The following WRAP73 variants were observed in gnomAD, a reference collection of about 807,000 sequenced individuals.
WRAP73 encodes WD repeat containing, antisense to TP73, also known as WD repeat-containing protein WRAP73.
In WRAP73, 55 loss-of-function variants were observed where a neutral mutation model predicts 59.6. The observed-to-expected ratio is 0.92, with a 90% CI of 0.74 to 1.15. The LOEUF (loss-of-function observed/expected upper bound fraction) is 1.15. Ranked by LOEUF, WRAP73 falls within the 50% of genes most tolerant of loss-of-function variation. The pLI is 0.00. For missense variants in WRAP73, 592 were observed against 608.1 expected, an observed-to-expected ratio of 0.97 and a Z score of 0.28; for synonymous variants, 265 against 258.2, an observed-to-expected ratio of 1.03 and a Z score of -0.25.
Position 3,646,665 on chromosome 1 carries a change from C to G in WRAP73, c.339+1G>C. On this transcript the variant is annotated splice_donor_variant, in intron 3 of 11. Transcript: ENST00000270708. LOFTEE classifies it high-confidence loss of function. The surrounding 1 kb of genome is among the most constrained non-coding windows in gnomAD (Gnocchi z 5.1). The stretch of plus-strand genomic sequence containing the variant: ...TAAGGTGTCTTGGGGCTGACACTTA[C>G]ATGGAATTCCGTGGTGTTGAGAATG... The G allele has an allele frequency of 6.3e-7, 1 of 1,593,358 alleles. No individual in the cohort carries two copies. Among genetic ancestry groups the G allele is most frequent in the Non-Finnish European group, 8.6e-7 (1 of 1,165,480 alleles).
At position 3,635,011 on chromosome 1, in the gene WRAP73, T is replaced by C. The variant is rs2101956550; in HGVS notation, c.802A>G (p.Asn268Asp). The C allele has an allele frequency of 6.2e-7, 1 of 1,614,198 alleles. No homozygotes were observed. Among genetic ancestry groups the C allele is most frequent in the East Asian group, 2.2e-5 (1 of 44,882 alleles). ...TCCAGACTTACTATCTTGGGATCATTAATGGCTGCAGGATGCCCAAACTCC... is the reference window on the plus strand; with the variant it reads ...TCCAGACTTACTATCTTGGGATCATCAATGGCTGCAGGATGCCCAAACTCC... Reference protein sequence around the residue: ...ITEFGHPAAINDPKIVVYKEA... With the variant: ...ITEFGHPAAIDDPKIVVYKEA... The change falls in exon 8 of 12, where the codon AAT becomes GAT. Residue 268 changes from asparagine (N) to aspartate (D), a missense_variant. Transcript: ENST00000270708.
intron 1 of WRAP73, 39 bp downstream of exon 1, chr1:3,649,892 G>T: frequency 6.4e-7 from 1 of 1,570,424 alleles, no homozygotes; most frequent in Admixed American, 1.9e-5. Context: ...CGCTGGCACC[G>T]AGGATGTCCT....
chr1:3,636,076 G>T (rs77210968), intron 5 of WRAP73, 46 bp from the exon 6 acceptor site: 3 of 1,427,462 alleles, frequency 2.1e-6, no homozygotes, highest in Admixed American at 1.7e-5. Flanking sequence ...AAATATTTTC[G>T]TAAATAAATA....
intron 3 of WRAP73, among the ~76,000 whole-genome samples, chr1:3,641,990 C>T (rs1644650524): frequency 6.6e-6 from 1 of 152,206 alleles, no homozygotes; most frequent in Non-Finnish European, 1.5e-5. Flanking sequence ...CAACAAAAGG[C>T]CTGTGCCACC....
intron 3 of WRAP73, among the ~76,000 whole-genome samples, chr1:3,642,171 T>G (rs1482500500): frequency 6.6e-6 from 1 of 152,192 alleles, no homozygotes; most frequent in African/African-American, 2.4e-5. Context: ...AAGGATTGCG[T>G]GAGTTTAGGA....
intron 5 of WRAP73, chr1:3,636,538 C>T (rs889865240): frequency 8.9e-6 from 3 of 337,822 alleles, no homozygotes; most frequent in African/African-American, 2.2e-5. Context: ...GGGTTCTGCA[C>T]TCTGACAGCA....
rs1310600995 is a variant in WRAP73 at position 3,639,959 on chromosome 1, C to T, written c.340-1137G>A. ...ATGTCCACAGTGTCACTCCTGCAAA[C>T]GCTGCCAGGTTGTCAGTATAGGATA... On this transcript the variant is annotated intron_variant, in intron 3 of 11. Transcript: ENST00000270708. This position sits in a 1 kb window ranked among gnomAD's most constrained non-coding sequence, Gnocchi z 4.3. Among the ~76,000 whole-genome samples the T allele has an allele frequency of 1.3e-5, 2 of 152,198 alleles. No homozygotes were observed. Among genetic ancestry groups the T allele is most frequent in the Admixed American group, 6.5e-5 (1 of 15,278 alleles).
intron 6 of WRAP73, chr1:3,635,688 G>A: frequency 3.9e-6 from 2 of 509,614 alleles, no homozygotes; most frequent in Non-Finnish European, 7.0e-6. Flanking sequence ...GGGCGTGGTG[G>A]TGCATGCTTG....
chr1:3,631,741 C>T (rs1201257435), intron 10 of WRAP73, 84 bp from the exon 11 acceptor site: 1 of 1,510,180 alleles, frequency 6.6e-7, no homozygotes, highest in Non-Finnish European at 8.8e-7. Flanking sequence ...GCTGTTGACA[C>T]CACAGGAGGG....
intron 8 of WRAP73, 118 bp downstream of exon 8, chr1:3,634,878 CG>C: frequency 8.3e-7 from 1 of 1,207,218 alleles, no homozygotes; most frequent in Non-Finnish European, 1.2e-6. Context: ...AGCAAGTTTA[CG>C]GTGATGGAAG....
chr1:3,633,316 A>G, intron 9 of WRAP73, 82 bp downstream of exon 9: 2 of 1,340,334 alleles, frequency 1.5e-6, no homozygotes, highest in Non-Finnish European at 2.1e-6. Context: ...TTTTAAACAT[A>G]AGGAACATCC....
intron 9 of WRAP73, chr1:3,633,128 C>A (rs1041359075): frequency 4.8e-5 from 20 of 416,670 alleles, no homozygotes; most frequent in Non-Finnish European, 8.2e-5. Flanking sequence ...ATTCTCGGAG[C>A]TCCGGAAAAA....
At position 3,632,316 on chromosome 1, in the gene WRAP73, G is replaced by A. The variant is rs1278876659; in HGVS notation, c.945C>T (p.Val315=). The A allele has an allele frequency of 6.2e-7, 1 of 1,614,166 alleles. No homozygotes were observed. The highest frequency in any genetic ancestry group is 8.5e-7 in the Non-Finnish European group (1 of 1,180,030). The change falls in exon 10 of 12, where the codon GTC becomes GTT. Residue 315 remains valine, a synonymous_variant. Coordinates refer to ENST00000270708, the MANE Select transcript of WRAP73 (RefSeq NM_017818.4). ...ESKYEIASVP[V]SLQTLKPVTD... The stretch of plus-strand genomic sequence containing the variant: ...TAACAGGTTTCAGTGTCTGTAAGGA[G>A]ACTGGGACAGAGGCGATCTCATCTA...
chr1:3,634,797 A>T, intron 8 of WRAP73, 200 bp downstream of exon 8: 1 of 670,268 alleles, frequency 1.5e-6, no homozygotes, highest in Non-Finnish European at 2.6e-6. Flanking sequence ...GGCCCACTTC[A>T]GACCCTTTGG....
Position 3,646,669 on chromosome 1 carries a change from G to T in WRAP73, c.336C>A (p.Phe112Leu). ...DGRHILNTTE[F>L]HLRITVWSLC... is the part of the protein sequence containing the mutation. The stretch of plus-strand genomic sequence containing the variant: ...GTGTCTTGGGGCTGACACTTACATG[G>T]AATTCCGTGGTGTTGAGAATGTGGC... The change falls in exon 3 of 12, where the codon TTC (phenylalanine) becomes TTA (leucine). Residue 112 changes from phenylalanine to leucine, a missense_variant. By Grantham distance (22) the Phe-to-Leu change is conservative. Coordinates refer to ENST00000270708, the MANE Select transcript of WRAP73 (RefSeq NM_017818.4). The surrounding 1 kb of genome is among the most constrained non-coding windows in gnomAD (Gnocchi z 5.1). 1 of 1,594,234 alleles carries T rather than the reference G, an allele frequency of 6.3e-7. No individual in the cohort carries two copies. Among genetic ancestry groups the T allele is most frequent in the South Asian group, 1.1e-5 (1 of 90,436 alleles).
intron 10 of WRAP73, 147 bp downstream of exon 10, chr1:3,632,066 T>C: frequency 6.7e-7 from 1 of 1,496,162 alleles, no homozygotes; most frequent in Non-Finnish European, 8.8e-7. Context: ...CCAAGGAGCT[T>C]CTGTGAGCAC....
intron 8 of WRAP73, 69 bp downstream of exon 8, chr1:3,634,928 G>A: frequency 6.4e-7 from 1 of 1,550,760 alleles, no homozygotes; most frequent in Admixed American, 1.7e-5. Context: ...AGAAAGCAAA[G>A]TGAAGGAGCA....
chr1:3,631,124 A>G lies in WRAP73; in HGVS notation c.1241-7T>C. 6.2e-7 allele frequency: 1 copy of G among 1,613,080 alleles called. No individual in the cohort carries two copies. Among genetic ancestry groups the G allele is most frequent in the East Asian group, 2.2e-5 (1 of 44,870 alleles). On this transcript the variant is annotated splice_polypyrimidine_tract_variant and splice_region_variant and intron_variant, in intron 11 of 11. Transcript: ENST00000270708. ...GAGAGCACTGCAAAGTCGCCTAGAG[A>G]GAGACAGGTGGCCAGAGGATTACAG...
At position 3,647,640 on chromosome 1, in the gene WRAP73, T is replaced by C. The variant is rs1015035531; in HGVS notation, c.70-80A>G. ...CCTTCGGAATGCTACTGCCCTGGCCTTCAGTGACTGTGGCCTTCTCTCCTG... is the reference window on the plus strand; with the variant it reads ...CCTTCGGAATGCTACTGCCCTGGCCCTCAGTGACTGTGGCCTTCTCTCCTG... On this transcript the variant is annotated intron_variant, in intron 1 of 11. Coordinates refer to ENST00000270708, the MANE Select transcript of WRAP73 (RefSeq NM_017818.4). 3.6e-5 allele frequency: 53 copies of C among 1,490,890 alleles called. No homozygotes were observed. The South Asian group carries it at 6.7e-4, about 19-fold the overall frequency. The allele number at this position is 1,490,890 out of a possible 1,614,324, so 92.4% of individuals were successfully genotyped here.
Sources: gnomAD v4.1 joint callset for allele counts (sites outside exome capture counted in the v4.1 genomes callset) on GRCh38, gnomAD v4.1.1 for gene constraint, Gnocchi (gnomAD v3.1) non-coding constraint, MANE v1.5 for transcripts, NCBI Gene and HGNC (gene_info 2026-07-23, HGNC 2026-07-21) for gene names.